FBLIM1: variants seen among roughly 807,000 people sequenced by gnomAD.
The protein encoded by FBLIM1 is filamin binding LIM protein 1, also known as filamin-binding LIM protein 1.
Under a neutral mutation model 37.4 loss-of-function variants are expected in FBLIM1, and 29 were observed. The observed-to-expected ratio is 0.77, with a 90% CI of 0.58 to 1.06. The LOEUF (loss-of-function observed/expected upper bound fraction) is 1.06, where lower values mean the gene tolerates loss of function less well. Ranked by LOEUF, FBLIM1 falls within the 50% of genes least tolerant of loss-of-function variation. The pLI is 0.00. For synonymous variants in FBLIM1, 193 were observed against 199.0 expected (o/e 0.97, Z 0.25); for missense variants, 449 against 505.6 (o/e 0.89, Z 1.07).
intron 5 of FBLIM1, among the ~76,000 whole-genome samples, chr1:15,770,028 C>G (rs2069125198): frequency 6.6e-6 from 1 of 152,016 alleles, no homozygotes; most frequent in Non-Finnish European, 1.5e-5. Flanking sequence ...CTCACTATAA[C>G]CTCTGCCTCC....
intron 5 of FBLIM1, among the ~76,000 whole-genome samples, chr1:15,768,854 T>C (rs543124177): frequency 6.6e-6 from 1 of 152,352 alleles, no homozygotes; most frequent in South Asian, 2.1e-4. Context: ...TTTGCTATGA[T>C]AGCAAAAATG....
chr1:15,776,517 T>TCCA (rs2069492498), intron 7 of FBLIM1, among the ~76,000 whole-genome samples: 1 of 152,050 alleles, frequency 6.6e-6, no homozygotes. Flanking sequence ...ACTCAATCCC[T>TCCA]GCCCATGAGT....
At chr1:15,774,493 G>T in intron 6 of FBLIM1, 125 bp from the exon 7 acceptor site, 2 of 1,240,544 alleles carry the variant, frequency 1.6e-6, no homozygotes, top group Middle Eastern at 2.0e-4. Flanking sequence ...GTTACAGGTT[G>T]TCTGCAGGCC....
rs1553168814 is a variant in FBLIM1 at position 15,785,338 on chromosome 1, A to AAAAT, written c.*680_*681insTAAA. ...AGAGGGAAACTCCGTCTCAAAAAAAAAAAAGTGCCTTTTAGGCCGGATGTG... is the reference window on the plus strand; with the variant it reads ...AGAGGGAAACTCCGTCTCAAAAAAAAAAATAAAAGTGCCTTTTAGGCCGGATGTG... On this transcript the variant is annotated 3_prime_UTR_variant, in exon 9 of 9. Transcript: ENST00000375766. 57 of 149,632 alleles carry AAAAT rather than the reference A, an allele frequency of 3.8e-4. No homozygotes were observed. Among genetic ancestry groups the AAAAT allele is most frequent in the South Asian group, 1.3e-3 (6 of 4,738 alleles). 9.3% of individuals were successfully genotyped at this position (149,632 alleles called of 1,614,324 possible). A position where few individuals can be genotyped will look rare whatever the true frequency, so the allele number is the denominator to read the frequency against.
In FBLIM1 at chr1:15,777,222, G is replaced by A. The variant is rs1569861576; in HGVS notation, c.943G>A (p.Gly315Arg). 1.9e-6 allele frequency: 3 copies of A among 1,613,260 alleles called. No homozygotes were observed. The East Asian group carries it at 6.7e-5, about 36-fold the overall frequency. The change falls in exon 8 of 9, where the codon GGG becomes AGG. Residue 315 changes from glycine (G) to arginine (R), a missense_variant. By Grantham distance (125) the Gly-to-Arg change is moderately radical (BLOSUM62 -2). Transcript: ENST00000375766. Reference sequence around the variant, plus strand: ...TGAAAATCCCATCATCCCTCGGGATGGGAAAGATGCCTTCAAAATCGAATG... The same window carrying A: ...TGAAAATCCCATCATCCCTCGGGATAGGAAAGATGCCTTCAAAATCGAATG... ...ICENPIIPRD[G>R]KDAFKIECMG...
In FBLIM1 at chr1:15,785,338, A is replaced by AAAAAAT. The variant is rs56095235; in HGVS notation, c.*681_*682insATAAAA. The AAAAAAT allele has an allele frequency of 9.0e-3, 1,346 of 149,654 alleles. 24 individuals carry two copies. The highest frequency in any genetic ancestry group is 0.028 in the African/African-American group (1,140 of 40,798). The allele number at this position is 149,654 out of a possible 1,614,324, so 9.3% of individuals were successfully genotyped here. On this transcript the variant is annotated 3_prime_UTR_variant, in exon 9 of 9. Coordinates refer to ENST00000375766, the MANE Select transcript of FBLIM1 (RefSeq NM_017556.4). ...AGAGGGAAACTCCGTCTCAAAAAAA[A>AAAAAAT]AAAAGTGCCTTTTAGGCCGGATGTG...
intron 1 of FBLIM1, among the ~76,000 whole-genome samples, chr1:15,762,669 C>T (rs888917967): frequency 3.9e-5 from 6 of 152,218 alleles, no homozygotes; most frequent in African/African-American, 7.2e-5. Flanking sequence ...TGATTACAGG[C>T]GTGAGCCATC....
intron 5 of FBLIM1, 36 bp downstream of exon 5, chr1:15,768,666 C>T (rs752555402): frequency 8.5e-6 from 13 of 1,529,834 alleles, no homozygotes; most frequent in Non-Finnish European, 1.1e-5. Context: ...CTGGGGTGAT[C>T]TCATGGGGCC....
intron 8 of FBLIM1, among the ~76,000 whole-genome samples, chr1:15,781,758 G>A (rs111478316): frequency 0.22 from 29,843 of 132,970 alleles, 4,013 homozygotes; most frequent in African/African-American, 0.39. Flanking sequence ...TCGCTCTGTC[G>A]CCCAGGCTGG....
intron 8 of FBLIM1, among the ~76,000 whole-genome samples, chr1:15,781,975 C>T (rs1250166412): frequency 6.6e-6 from 1 of 151,816 alleles, no homozygotes; most frequent in Admixed American, 6.6e-5. Context: ...ACCTCAGCCT[C>T]CCAAAGAGCT....
At chr1:15,781,345 A>T (rs1465279305) in intron 8 of FBLIM1, among the ~76,000 whole-genome samples, 1 of 151,676 alleles carries the variant, frequency 6.6e-6, no homozygotes, top group Non-Finnish European at 1.5e-5. Flanking sequence ...AGACAGAGTG[A>T]GACTCTGTCT....
At chr1:15,766,891 C>CTTTTT (rs36087502) in intron 3 of FBLIM1, among the ~76,000 whole-genome samples, 2 of 133,226 alleles carry the variant, frequency 1.5e-5, no homozygotes, top group East Asian at 2.2e-4. Flanking sequence ...CTGCACCCGG[C>CTTTTT]TTTTTTTTTT....
intron 6 of FBLIM1, 83 bp from the exon 7 acceptor site, chr1:15,774,535 A>G: frequency 1.3e-6 from 2 of 1,521,946 alleles, no homozygotes; most frequent in Non-Finnish European, 8.8e-7. Context: ...TGGGCCCCTG[A>G]GGGCAGCCTC....
rs371296002 is a variant in FBLIM1 at position 15,770,592 on chromosome 1, C to T, written c.711+14C>T. The T allele has an allele frequency of 1.9e-6, 3 of 1,612,202 alleles. No individual in the cohort carries two copies. The highest frequency in any genetic ancestry group is 2.7e-5 in the African/African-American group (2 of 74,904). ...CCCTGCTACCAGGTAACCCCTGCAG[C>T]AGACCTCTGGGTGCCAGGCAGTGAG... On this transcript the variant is annotated intron_variant, in intron 6 of 8. Coordinates refer to ENST00000375766, the MANE Select transcript of FBLIM1 (RefSeq NM_017556.4).
rs199891890 is a variant in FBLIM1 at position 15,767,444 on chromosome 1, C to A, written c.319C>A (p.Pro107Thr). The A allele has an allele frequency of 2.1e-5, 33 of 1,562,378 alleles. No homozygotes were observed. The highest frequency in any genetic ancestry group is 2.8e-5 in the Non-Finnish European group (32 of 1,146,780). ...TCCTGACCTGGACCTCCTCCCACCC[C>A]CTCCACCGCCCCCTCCAGTGCTTCT... The part of the protein sequence containing the change: ...VLPDLDLLPP[P>T]PPPPPVLLPS... The change falls in exon 4 of 9, where the codon CCT (proline) becomes ACT (threonine). Residue 107 changes from proline (P) to threonine (T), a missense_variant. Pro to Thr is a conservative substitution (Grantham distance 38). Transcript: ENST00000375766.
chr1:15,768,422 C>A, intron 4 of FBLIM1, 106 bp from the exon 5 acceptor site: 1 of 706,696 alleles, frequency 1.4e-6, no homozygotes, highest in Non-Finnish European at 2.2e-6. Flanking sequence ...TGGTTTCCTT[C>A]TCGGTACAAT....
At chr1:15,784,459 G>T in intron 8 of FBLIM1, 89 bp from the exon 9 acceptor site, 1 of 1,057,368 alleles carries the variant, frequency 9.5e-7, no homozygotes, top group East Asian at 2.4e-5. Context: ...CATGCAGTTG[G>T]TTTATTCGGC....
intron 1 of FBLIM1, among the ~76,000 whole-genome samples, chr1:15,763,511 C>CTGTA (rs1394415011): frequency 6.7e-6 from 1 of 150,240 alleles, no homozygotes; most frequent in African/African-American, 2.4e-5. Context: ...TGGCGGGCAC[C>CTGTA]TGTAGTCCCA....
chr1:15,770,021 A>G (rs1291299191), intron 5 of FBLIM1, among the ~76,000 whole-genome samples: 1 of 151,930 alleles, frequency 6.6e-6, no homozygotes, highest in Non-Finnish European at 1.5e-5. Context: ...GTCTCGGCTC[A>G]CTATAACCTC....
Sources: allele counts gnomAD v4.1 joint callset (sites outside exome capture counted in the v4.1 genomes callset), GRCh38; gene constraint gnomAD v4.1.1; transcripts MANE v1.5; gene names NCBI Gene and HGNC (gene_info 2026-07-23, HGNC 2026-07-21).